The following SLCO1B1 variants were observed in gnomAD, a reference collection of about 807,000 sequenced individuals.
SLCO1B1 encodes solute carrier organic anion transporter family member 1B1, also known as OATP-2.
A neutral mutation model predicts 70.1 loss-of-function variants in SLCO1B1; 81 were observed. The ratio of observed to expected loss-of-function variants is 1.16; its 90% CI spans 0.97 to 1.39. The LOEUF (loss-of-function observed/expected upper bound fraction) is 1.39, where lower values mean the gene tolerates loss of function less well. Ranked by LOEUF, SLCO1B1 falls within the 40% of genes most tolerant of loss-of-function variation. The pLI, the probability that SLCO1B1 is intolerant of heterozygous loss-of-function variation, is 0.00. For missense variants in SLCO1B1, 895 were observed against 799.6 expected, an observed-to-expected ratio of 1.12 and a Z score of -1.44; for synonymous variants, 283 against 271.5, an observed-to-expected ratio of 1.04 and a Z score of -0.42.
At chr12:21,133,338 C>T (rs1365614068) in intron 1 of SLCO1B1, among the ~76,000 whole-genome samples, 3 of 152,064 alleles carry the variant, frequency 2.0e-5, no homozygotes, top group Non-Finnish European at 4.4e-5. Context: ...TCCATATGAA[C>T]TTTAAAGTAG....
At chr12:21,157,796 T>C (rs1458129776) in intron 2 of SLCO1B1, among the ~76,000 whole-genome samples, 1 of 151,954 alleles carries the variant, frequency 6.6e-6, no homozygotes, top group Non-Finnish European at 1.5e-5. Context: ...GAGACGGGGT[T>C]TCATCATGTT....
rs527958046 is a variant in SLCO1B1 at position 21,194,492 on chromosome 12, C to A, written c.728-2454C>A. 1.2e-4 allele frequency among the ~76,000 whole-genome samples: 18 copies of A among 151,866 alleles called. 1 individual carries two copies. The highest frequency in any genetic ancestry group is 4.1e-4 in the African/African-American group (17 of 41,410). On this transcript the variant is annotated intron_variant, in intron 7 of 14. Transcript: ENST00000256958. ...ACAAGAGTGACTTTTGCTCTAGCTC[C>A]CAATAACTGTCATTTCTATTTGAGA...
In SLCO1B1 at chr12:21,202,684, T is replaced by C; in HGVS notation, c.1329T>C (p.Asp443=). Reference sequence around the variant, plus strand: ...TTGCCGGACTAACCATGACCTATGATGGGTTTGTATATATCACTATATCAA... The same window carrying C: ...TTGCCGGACTAACCATGACCTATGACGGGTTTGTATATATCACTATATCAA... The part of the protein sequence containing the change: ...KSVAGLTMTY[D]GNNPVTSHRD... Residue 443 remains aspartate (D), a splice_region_variant and synonymous_variant, in exon 10 of 15, where the codon GAT becomes GAC. Transcript: ENST00000256958. 6.2e-7 allele frequency: 1 copy of C among 1,607,566 alleles called. No homozygotes were observed.
chr12:21,209,962 C>A (rs1011012975), intron 11 of SLCO1B1, among the ~76,000 whole-genome samples: 6 of 151,828 alleles, frequency 4.0e-5, no homozygotes, highest in Non-Finnish European at 8.8e-5. Context: ...GATATTAGCC[C>A]TTTGTCAGAT....
rs1940279424 is a variant in SLCO1B1 at position 21,139,627 on chromosome 12, T to C, written c.-61-1887T>C. Among the ~76,000 whole-genome samples, 3 of 152,258 alleles carry C rather than the reference T, an allele frequency of 2.0e-5. 1 individual carries two copies. Among genetic ancestry groups the C allele is most frequent in the African/African-American group, 7.2e-5 (3 of 41,550 alleles). ...CGAGTCTCATTATTCACAGATTCTATATAAGAAAATTTGTCTATTCACTAA... is the reference window on the plus strand; with the variant it reads ...CGAGTCTCATTATTCACAGATTCTACATAAGAAAATTTGTCTATTCACTAA... On this transcript the variant is annotated intron_variant, in intron 1 of 14. Transcript: ENST00000256958.
intron 1 of SLCO1B1, among the ~76,000 whole-genome samples, chr12:21,134,683 T>G (rs1287054963): frequency 6.6e-6 from 1 of 152,094 alleles, no homozygotes; most frequent in Non-Finnish European, 1.5e-5. Context: ...GGTTATATCC[T>G]CTTTATCATT....
intron 7 of SLCO1B1, among the ~76,000 whole-genome samples, chr12:21,187,024 A>T (rs1940970175): frequency 1.3e-5 from 2 of 152,144 alleles, no homozygotes; most frequent in Admixed American, 1.3e-4. Context: ...AAGTTTTCAG[A>T]TTCCACTAAG....
At position 21,198,151 on chromosome 12, in the gene SLCO1B1, A is replaced by G. The variant is rs1941115745; in HGVS notation, c.970+963A>G. ...GTCTTTTACTTATTACTTTATTGCT[A>G]TTTTCTCCTTTCTATCACACTAACC... On this transcript the variant is annotated intron_variant, in intron 8 of 14. Coordinates refer to ENST00000256958, the MANE Select transcript of SLCO1B1 (RefSeq NM_006446.5). 2.0e-5 allele frequency among the ~76,000 whole-genome samples: 3 copies of G among 151,890 alleles called. No individual in the cohort carries two copies. In the South Asian group the frequency reaches 6.2e-4, roughly 32 times the overall value.
At chr12:21,137,217 C>T (rs751976537) in intron 1 of SLCO1B1, among the ~76,000 whole-genome samples, 15 of 152,084 alleles carry the variant, frequency 9.9e-5, no homozygotes, top group South Asian at 2.1e-4. Context: ...AGTACCCGAC[C>T]GTGTGAGGTG....
intron 2 of SLCO1B1, among the ~76,000 whole-genome samples, chr12:21,152,409 T>C (rs1027817236): frequency 1.3e-5 from 2 of 151,728 alleles, no homozygotes; most frequent in African/African-American, 2.4e-5. Context: ...AAATTATATA[T>C]ATTTTTTTTC....
chr12:21,226,522 A>G (rs1022393846), intron 14 of SLCO1B1, among the ~76,000 whole-genome samples: 1 of 152,166 alleles, frequency 6.6e-6, no homozygotes, highest in African/African-American at 2.4e-5. Context: ...ACAATGAAAC[A>G]TCAGTGGTTG....
chr12:21,173,692 C>A (rs1451063694), intron 3 of SLCO1B1, among the ~76,000 whole-genome samples: 1 of 150,030 alleles, frequency 6.7e-6, no homozygotes, highest in Non-Finnish European at 1.5e-5. Flanking sequence ...TATTTTTTTT[C>A]AGAAGTGCTC....
At chr12:21,179,045 C>T (rs192894171) in intron 7 of SLCO1B1, 25 bp downstream of exon 7, 3 of 1,425,430 alleles carry the variant, frequency 2.1e-6, no homozygotes, top group Non-Finnish European at 3.0e-6. Context: ...AACAAGGTAC[C>T]ATGATAACGT....
intron 11 of SLCO1B1, among the ~76,000 whole-genome samples, chr12:21,211,161 A>G (rs1398168488): frequency 6.6e-5 from 10 of 152,174 alleles, no homozygotes; most frequent in South Asian, 2.1e-4. Flanking sequence ...GAATGCTTCC[A>G]GTTTTTGCCC....
chr12:21,189,141 G>C (rs1314929542), intron 7 of SLCO1B1, among the ~76,000 whole-genome samples: 1 of 152,140 alleles, frequency 6.6e-6, no homozygotes, highest in East Asian at 1.9e-4. Flanking sequence ...AAGTGGGATT[G>C]CTGGGTCATA....
intron 2 of SLCO1B1, among the ~76,000 whole-genome samples, chr12:21,143,958 G>A (rs1940348086): frequency 1.3e-5 from 2 of 152,020 alleles, no homozygotes; most frequent in South Asian, 2.1e-4. Context: ...ATATATAAGT[G>A]CAAATTGATA....
chr12:21,229,574 G>A (rs57159977), intron 14 of SLCO1B1, among the ~76,000 whole-genome samples: 12,487 of 152,094 alleles, frequency 0.082, 783 homozygotes, highest in East Asian at 0.28. Context: ...TTTTATTGCT[G>A]AATAATATTC....
At chr12:21,184,595 T>G (rs1032638437) in intron 7 of SLCO1B1, among the ~76,000 whole-genome samples, 5 of 152,164 alleles carry the variant, frequency 3.3e-5, no homozygotes, top group African/African-American at 1.2e-4. Flanking sequence ...AAACCAGCCT[T>G]ATAACAGGTC....
intron 1 of SLCO1B1, among the ~76,000 whole-genome samples, chr12:21,135,616 G>C (rs887033344): frequency 6.6e-6 from 1 of 152,002 alleles, no homozygotes; most frequent in Non-Finnish European, 1.5e-5. Flanking sequence ...TTTGATCTTT[G>C]TTGGTATAAA....
Sources: gnomAD v4.1 joint callset for allele counts (sites outside exome capture counted in the v4.1 genomes callset) on GRCh38, gnomAD v4.1.1 for gene constraint, MANE v1.5 for transcripts, NCBI Gene and HGNC (gene_info 2026-07-23, HGNC 2026-07-21) for gene names.